The following LSM5 variants were observed in gnomAD, a reference collection of about 807,000 sequenced individuals.
The protein encoded by LSM5 is LSM5 homolog, U6 small nuclear RNA and mRNA degradation associated.
LSM5 carries 8 observed loss-of-function variants against 13.8 expected under a neutral mutation model. The observed-to-expected ratio is 0.58, with a 90% CI of 0.34 to 1.04. The LOEUF is 1.04. Among genes scored for constraint, LSM5 ranks in the 50% least tolerant of loss-of-function variants. LSM5 has a pLI of 0.03. For synonymous variants in LSM5, 35 were observed against 37.0 expected (o/e 0.95, Z 0.20); for missense variants, 80 against 108.1 (o/e 0.74, Z 1.15).
rs534443317 is a variant in LSM5, at chr7:32,487,194, A to G, written c.*67T>C. The G allele has an allele frequency of 1.8e-4, 250 of 1,426,892 alleles. No individual in the cohort carries two copies. Among genetic ancestry groups the G allele is most frequent in the Non-Finnish European group, 2.1e-4 (217 of 1,014,900 alleles). The allele number at this position is 1,426,892 out of a possible 1,614,324, so 88.4% of individuals were successfully genotyped here. ...TGGGATTTAAACATTAGAAAGTGGG[A>G]AAAAAAATTCCATTTTCTTGTCATT... On this transcript the variant is annotated 3_prime_UTR_variant, in exon 5 of 5. Coordinates refer to ENST00000450169, the MANE Select transcript of LSM5 (RefSeq NM_012322.3).
chr7:32,494,393 AT>A (rs1786683437), upstream of LSM5, among the ~76,000 whole-genome samples: 1 of 152,202 alleles, frequency 6.6e-6, no homozygotes, highest in South Asian at 2.1e-4. Context: ...ATCTTGAAAA[AT>A]GTCTGCAGTA....
At chr7:32,488,568 T>A in intron 3 of LSM5, 57 bp downstream of exon 3, 1 of 1,131,110 alleles carries the variant, frequency 8.8e-7, no homozygotes, top group South Asian at 1.3e-5. Flanking sequence ...TACTCAAAAG[T>A]AGTAAAACTG....
rs1285982830 is a variant in LSM5 at position 32,487,003 on chromosome 7, T to G, written c.*258A>C. The G allele has an allele frequency of 4.1e-6, 2 of 482,240 alleles. No individual in the cohort carries two copies. The highest frequency in any genetic ancestry group is 7.2e-6 in the Non-Finnish European group (2 of 276,030). 29.9% of individuals were successfully genotyped at this position (482,240 alleles called of 1,614,324 possible). On this transcript the variant is annotated 3_prime_UTR_variant, in exon 5 of 5. Coordinates refer to ENST00000450169, the MANE Select transcript of LSM5 (RefSeq NM_012322.3). ...AAAATAACTACAAACTTTGTTCCAC[T>G]GGCTACTGCAGTAGAATAAACAAAA...
chr7:32,485,515 G>C lies in LSM5; in HGVS notation c.*1746C>G, dbSNP rs1470726611. 1 of 152,132 alleles carries C rather than the reference G, an allele frequency of 6.6e-6. No homozygotes were observed. The highest frequency in any genetic ancestry group is 1.5e-5 in the Non-Finnish European group (1 of 68,030). The allele number at this position is 152,132 out of a possible 1,614,324, so 9.4% of individuals were successfully genotyped here. On this transcript the variant is annotated 3_prime_UTR_variant, in exon 5 of 5. Transcript: ENST00000450169. ...TTATTAGCAAAATACATGACTAACAGAAACCCATCAAGAATTCTTACAAAT... is the reference window on the plus strand; with the variant it reads ...TTATTAGCAAAATACATGACTAACACAAACCCATCAAGAATTCTTACAAAT...
upstream of LSM5, among the ~76,000 whole-genome samples, chr7:32,492,269 T>C (rs189362443): frequency 3.2e-4 from 49 of 152,348 alleles, no homozygotes; most frequent in African/African-American, 1.0e-3. Flanking sequence ...CTCACGCCTA[T>C]AATCCCAACA....
In LSM5 at chr7:32,487,191, G is replaced by A; in HGVS notation, c.*70C>T. The A allele has an allele frequency of 7.2e-7, 1 of 1,383,046 alleles. No homozygotes were observed. The allele number at this position is 1,383,046 out of a possible 1,614,324, so 85.7% of individuals were successfully genotyped here. ...TTATGGGATTTAAACATTAGAAAGTGGGAAAAAAAATTCCATTTTCTTGTC... is the reference window on the plus strand; with the variant it reads ...TTATGGGATTTAAACATTAGAAAGTAGGAAAAAAAATTCCATTTTCTTGTC... On this transcript the variant is annotated 3_prime_UTR_variant, in exon 5 of 5. Transcript: ENST00000450169.
chr7:32,490,142 C>T (rs765489267), intron 1 of LSM5, 178 bp downstream of exon 1: 5 of 1,541,566 alleles, frequency 3.2e-6, no homozygotes, highest in East Asian at 2.5e-5. Context: ...TGGAGGAGCC[C>T]GACCACGTTA....
In LSM5 at chr7:32,489,424, A is replaced by G. The variant is rs989700131; in HGVS notation, c.47-80T>C. On this transcript the variant is annotated intron_variant, in intron 1 of 4. Coordinates refer to ENST00000450169, the MANE Select transcript of LSM5 (RefSeq NM_012322.3). ...TGCCTACTGGCACTCTTACTTGCAT[A>G]TAGTGAAAGAAAAACCAGGAAAAAC... The G allele has an allele frequency of 2.5e-5, 19 of 771,334 alleles. 1 individual carries two copies. The highest frequency in any genetic ancestry group is 3.2e-4 in the Middle Eastern group (1 of 3,106). The allele number at this position is 771,334 out of a possible 1,614,324, so 47.8% of individuals were successfully genotyped here. A position where few individuals can be genotyped will look rare whatever the true frequency, so the allele number is the denominator to read the frequency against.
rs1164996915 is a variant in LSM5, at chr7:32,489,902, C to T, written c.46+418G>A. 8.0e-6 allele frequency: 4 copies of T among 499,682 alleles called. No individual in the cohort carries two copies. The African/African-American group carries it at 8.0e-5, about 10-fold the overall frequency. 31.0% of individuals were successfully genotyped at this position (499,682 alleles called of 1,614,324 possible). ...AATAAATAACAAACAGAGCTGGTTT[C>T]CAGATTCCTCATTTAAGGCTCATTC... is the stretch of plus-strand genomic sequence containing the variant. On this transcript the variant is annotated intron_variant, in intron 1 of 4. Coordinates refer to ENST00000450169, the MANE Select transcript of LSM5 (RefSeq NM_012322.3).
chr7:32,492,027 AT>A (rs200517668), upstream of LSM5, among the ~76,000 whole-genome samples: 755 of 152,312 alleles, frequency 5.0e-3, 46 homozygotes, highest in East Asian at 0.12. Context: ...TCTTCATAAG[AT>A]TTTAAATACG....
intron 1 of LSM5, among the ~76,000 whole-genome samples, chr7:32,489,759 A>C (rs1323992740): frequency 1.3e-5 from 2 of 152,194 alleles, no homozygotes; most frequent in Non-Finnish European, 2.9e-5. Flanking sequence ...CTACTTGTCC[A>C]GTGTTCTCTC....
upstream of LSM5, among the ~76,000 whole-genome samples, chr7:32,493,523 T>C (rs541261846): frequency 3.2e-5 from 4 of 126,092 alleles, no homozygotes; most frequent in African/African-American, 1.1e-4. Context: ...TAACTAACTT[T>C]TTCTTTCTCT....
upstream of LSM5, among the ~76,000 whole-genome samples, chr7:32,493,138 TTTTA>T (rs551654703): frequency 8.5e-5 from 13 of 152,274 alleles, no homozygotes; most frequent in South Asian, 8.3e-4. Context: ...CCCCATCATA[TTTTA>T]TTTATTAATT....
chr7:32,485,676 TGGGA>T lies in LSM5; in HGVS notation c.*1581_*1584del, dbSNP rs1440805273. On this transcript the variant is annotated 3_prime_UTR_variant, in exon 5 of 5. Coordinates refer to ENST00000450169, the MANE Select transcript of LSM5 (RefSeq NM_012322.3). ...GCTCATGCCTTTAATACCGGCACTT[TGGGA>T]GGCTGAGGCAGGTGGATCACTAGAG... The T allele has an allele frequency of 6.6e-6, 1 of 152,172 alleles. No homozygotes were observed. The highest frequency in any genetic ancestry group is 2.4e-5 in the African/African-American group (1 of 41,424). The allele number at this position is 152,172 out of a possible 1,614,324, so 9.4% of individuals were successfully genotyped here. A position where few individuals can be genotyped will look rare whatever the true frequency, so the allele number is the denominator to read the frequency against.
upstream of LSM5, among the ~76,000 whole-genome samples, chr7:32,494,554 A>T (rs1323496142): frequency 6.6e-6 from 1 of 152,240 alleles, no homozygotes; most frequent in Non-Finnish European, 1.5e-5. Flanking sequence ...GTAATCTCGA[A>T]TTCTATTTGA....
Position 32,485,546 on chromosome 7 carries a change from AG to A in LSM5, c.*1714del, listed in dbSNP as rs1786418173. The A allele has an allele frequency of 6.6e-6, 1 of 152,244 alleles. No homozygotes were observed. The highest frequency in any genetic ancestry group is 6.5e-5 in the Admixed American group (1 of 15,284). 9.4% of individuals were successfully genotyped at this position (152,244 alleles called of 1,614,324 possible). A position where few individuals can be genotyped will look rare whatever the true frequency, so the allele number is the denominator to read the frequency against. The stretch of plus-strand genomic sequence containing the variant: ...CATCAAGAATTCTTACAAATTAGTA[AG>A]AAAAAGACAAACATCTCAATGGCAA... On this transcript the variant is annotated 3_prime_UTR_variant, in exon 5 of 5. Transcript: ENST00000450169.
intron 1 of LSM5, 89 bp from the exon 2 acceptor site, chr7:32,489,433 G>T: frequency 1.4e-6 from 1 of 713,184 alleles, no homozygotes; most frequent in Non-Finnish European, 2.5e-6. Flanking sequence ...TATAGTGAAA[G>T]AAAAACCAGG....
Position 32,486,165 on chromosome 7 carries a change from A to G in LSM5, c.*1096T>C, listed in dbSNP as rs1786439326. 1 of 152,220 alleles carries G rather than the reference A, an allele frequency of 6.6e-6. No individual in the cohort carries two copies. 9.4% of individuals were successfully genotyped at this position (152,220 alleles called of 1,614,324 possible). A position where few individuals can be genotyped will look rare whatever the true frequency, so the allele number is the denominator to read the frequency against. The stretch of plus-strand genomic sequence containing the variant: ...TACACATTTTTGAGTTTATTCTAGA[A>G]AAATACAAATGTATAAAGATCTAGT... On this transcript the variant is annotated 3_prime_UTR_variant, in exon 5 of 5. Coordinates refer to ENST00000450169, the MANE Select transcript of LSM5 (RefSeq NM_012322.3).
upstream of LSM5, chr7:32,490,629 T>C: frequency 1.9e-6 from 1 of 515,190 alleles, no homozygotes; most frequent in Non-Finnish European, 3.6e-6. Context: ...TATTTTGCCT[T>C]GTGAATAAAT....
Sources: gnomAD v4.1 joint callset for allele counts (sites outside exome capture counted in the v4.1 genomes callset) on GRCh38, gnomAD v4.1.1 for gene constraint, MANE v1.5 for transcripts, NCBI Gene and HGNC (gene_info 2026-07-23, HGNC 2026-07-21) for gene names.